LAMP5: variants seen among roughly 807,000 people sequenced by gnomAD.
LAMP5 encodes the protein lysosome associated membrane protein 5, also known as lysosome-associated membrane glycoprotein 5.
Under a neutral mutation model 30.2 loss-of-function variants are expected in LAMP5, and 36 were observed. The ratio of observed to expected loss-of-function variants is 1.19; its 90% CI spans 0.91 to 1.57. The LOEUF (loss-of-function observed/expected upper bound fraction) is 1.57, where lower values mean the gene tolerates loss of function less well. Among genes scored for constraint, LAMP5 ranks in the 40% most tolerant of loss-of-function variants. The probability of loss-of-function intolerance (pLI) is 0.00; values close to 1 mark genes in which losing one functional copy is unlikely to be tolerated. For missense variants in LAMP5, 377 were observed against 354.9 expected (o/e 1.06, Z -0.50); for synonymous variants, 149 against 134.6 (o/e 1.11, Z -0.74).
intron 4 of LAMP5, among the ~76,000 whole-genome samples, chr20:9,517,818 G>A (rs1010352664): frequency 2.0e-5 from 3 of 152,106 alleles, no homozygotes; most frequent in Admixed American, 6.5e-5. Flanking sequence ...CTTCAAAAAA[G>A]GAGTTCCAAA....
Position 9,530,020 on chromosome 20 carries a change from G to A in LAMP5, c.*200G>A. On this transcript the variant is annotated 3_prime_UTR_variant, in exon 6 of 6. Transcript: ENST00000246070. ...CTCTTTCGGATTTGTAGGGTGAAAT[G>A]GCAATTATTCTCTCCATGCTGGGGA... 4.0e-6 allele frequency: 2 copies of A among 499,656 alleles called. No homozygotes were observed. The highest frequency in any genetic ancestry group is 7.0e-6 in the Non-Finnish European group (2 of 283,784). The allele number at this position is 499,656 out of a possible 1,614,324, so 31.0% of individuals were successfully genotyped here. A position where few individuals can be genotyped will look rare whatever the true frequency, so the allele number is the denominator to read the frequency against.
chr20:9,516,462 A>G, intron 4 of LAMP5, 101 bp downstream of exon 4: 3 of 998,436 alleles, frequency 3.0e-6, no homozygotes, highest in Non-Finnish European at 4.7e-6. Flanking sequence ...CCACGCTTTG[A>G]GGTCCCAGGC....
chr20:9,526,915 A>C (rs1425683452), intron 5 of LAMP5, among the ~76,000 whole-genome samples: 2 of 137,452 alleles, frequency 1.5e-5, no homozygotes, highest in African/African-American at 2.6e-5. Flanking sequence ...CACACATACA[A>C]AACAGTTGTA....
chr20:9,517,533 C>T (rs2122831528), intron 4 of LAMP5, among the ~76,000 whole-genome samples: 2 of 152,128 alleles, frequency 1.3e-5, no homozygotes, highest in Middle Eastern at 3.4e-3. Context: ...GAGTAAGCTA[C>T]TGGGCTCAAG....
At chr20:9,529,534 A>T in intron 5 of LAMP5, 108 bp from the exon 6 acceptor site, 1 of 1,172,614 alleles carries the variant, frequency 8.5e-7, no homozygotes. Context: ...ATAGTCCCAA[A>T]GCTTCCTTGA....
intron 5 of LAMP5, among the ~76,000 whole-genome samples, chr20:9,518,661 G>A (rs1041843736): frequency 3.9e-5 from 6 of 152,266 alleles, no homozygotes; most frequent in African/African-American, 1.4e-4. Context: ...GGAGAAAGCA[G>A]CTAAAGTATT....
chr20:9,521,952 T>TAACAA (rs955438605), intron 5 of LAMP5, among the ~76,000 whole-genome samples: 13 of 152,156 alleles, frequency 8.5e-5, no homozygotes, highest in Admixed American at 2.0e-4. Context: ...GGGGCAAACA[T>TAACAA]AACAAAACAA....
At chr20:9,518,604 A>T (rs1179310375) in intron 5 of LAMP5, among the ~76,000 whole-genome samples, 2 of 152,240 alleles carry the variant, frequency 1.3e-5, no homozygotes, top group African/African-American at 2.4e-5. Context: ...AGAAAGATTT[A>T]AAAAGTCACT....
chr20:9,522,972 C>CTTTTTTTTT (rs60017722), intron 5 of LAMP5, among the ~76,000 whole-genome samples: 31 of 104,160 alleles, frequency 3.0e-4, no homozygotes, highest in African/African-American at 6.5e-4. Context: ...ATACTTAAAT[C>CTTTTTTTTT]TTTTTTTTTT....
chr20:9,524,604 A>AC (rs1192067126), intron 5 of LAMP5, among the ~76,000 whole-genome samples: 10 of 149,658 alleles, frequency 6.7e-5, no homozygotes, highest in African/African-American at 2.5e-4. Context: ...CTAAAAAAAA[A>AC]AAAAAAAAAA....
chr20:9,515,610 C>T lies in LAMP5; in HGVS notation c.222C>T (p.Ala74=). The T allele has an allele frequency of 6.2e-7, 1 of 1,613,796 alleles. No homozygotes were observed. Among genetic ancestry groups the T allele is most frequent in the South Asian group, 1.1e-5 (1 of 91,062 alleles). Residue 74 remains alanine, a synonymous_variant, in exon 2 of 6, where the codon GCC becomes GCT. Coordinates refer to ENST00000246070, the MANE Select transcript of LAMP5 (RefSeq NM_012261.4). ...TTATTGTACCTTATGATGTGTGGGC[C>T]AGCAACTACGTAGATGTAAGGAATC... The part of the protein sequence containing the change: ...AKFIVPYDVW[A]SNYVDLITEQ...
chr20:9,517,463 G>T (rs963474664), intron 4 of LAMP5, among the ~76,000 whole-genome samples: 1 of 151,524 alleles, frequency 6.6e-6, no homozygotes, highest in Admixed American at 6.6e-5. Context: ...TTTGAAGTGC[G>T]GTCTCACTCT....
Position 9,514,610 on chromosome 20 carries a change from A to C in LAMP5, c.-243A>C. On this transcript the variant is annotated 5_prime_UTR_variant, in exon 1 of 6. Transcript: ENST00000246070. ...CAATCGGATTGCTTTCAGCACTCGC[A>C]GCCGTGGACCGCCGTGCGGTCCTTT... 1.8e-6 allele frequency: 1 copy of C among 540,734 alleles called. No homozygotes were observed. Among genetic ancestry groups the C allele is most frequent in the Non-Finnish European group, 3.3e-6 (1 of 303,370 alleles). 33.5% of individuals were successfully genotyped at this position (540,734 alleles called of 1,614,324 possible). A position where few individuals can be genotyped will look rare whatever the true frequency, so the allele number is the denominator to read the frequency against.
chr20:9,519,163 C>T (rs1429351309), intron 5 of LAMP5, among the ~76,000 whole-genome samples: 1 of 152,178 alleles, frequency 6.6e-6, no homozygotes, highest in African/African-American at 2.4e-5. Context: ...CATTTATTCT[C>T]TCTCCCTCAC....
intron 4 of LAMP5, among the ~76,000 whole-genome samples, chr20:9,517,023 C>A (rs2045045497): frequency 6.6e-6 from 1 of 152,148 alleles, no homozygotes; most frequent in Admixed American, 6.6e-5. Flanking sequence ...TTATTTTATT[C>A]TTTATAAGTT....
intron 5 of LAMP5, among the ~76,000 whole-genome samples, chr20:9,521,157 G>A (rs1568944209): frequency 6.6e-6 from 1 of 152,056 alleles, no homozygotes. Flanking sequence ...GAAGCTTATG[G>A]GACCACCATT....
chr20:9,526,572 T>A (rs1329360005), intron 5 of LAMP5, among the ~76,000 whole-genome samples: 1 of 152,190 alleles, frequency 6.6e-6, no homozygotes, highest in Admixed American at 6.5e-5. Context: ...ATACACTGTG[T>A]CATCTCAGGT....
At chr20:9,526,489 C>A (rs1329683628) in intron 5 of LAMP5, among the ~76,000 whole-genome samples, 1 of 152,064 alleles carries the variant, frequency 6.6e-6, no homozygotes, top group Non-Finnish European at 1.5e-5. Context: ...TTTAAAGAGG[C>A]AATATGGTAT....
rs1243940347 is a variant in LAMP5 at position 9,515,462 on chromosome 20, C to T, written c.74C>T (p.Ala25Val). Residue 25 changes from alanine (A) to valine (V), a missense_variant, in exon 2 of 6, where the codon GCT becomes GTT. Physicochemically the swap from Ala to Val is moderately conservative, Grantham distance 64. Coordinates refer to ENST00000246070, the MANE Select transcript of LAMP5 (RefSeq NM_012261.4). ...RVLLMLFHTM[A>V]QIMAEQEVEN... Reference sequence around the variant, plus strand: ...TTTGTTTGTTCCGCAGATACAATGGCTCAAATCATGGCAGAACAAGAAGTG... The same window carrying T: ...TTTGTTTGTTCCGCAGATACAATGGTTCAAATCATGGCAGAACAAGAAGTG... The T allele has an allele frequency of 4.3e-6, 7 of 1,613,404 alleles. No homozygotes were observed. Among genetic ancestry groups the T allele is most frequent in the South Asian group, 3.3e-5 (3 of 90,950 alleles).
Sources: allele counts gnomAD v4.1 joint callset (sites outside exome capture counted in the v4.1 genomes callset), GRCh38; gene constraint gnomAD v4.1.1; transcripts MANE v1.5; gene names NCBI Gene and HGNC (gene_info 2026-07-23, HGNC 2026-07-21).